The following IFNAR2 variants were observed in gnomAD, a reference collection of about 807,000 sequenced individuals.
IFNAR2 encodes the protein interferon alpha/beta receptor 2.
IFNAR2 carries 30 observed loss-of-function variants against 49.4 expected under a neutral mutation model. The observed-to-expected ratio is 0.61, with a 90% CI of 0.45 to 0.82. IFNAR2 has a LOEUF of 0.82. IFNAR2 is among the 40% of genes least tolerant of loss of function. The pLI is 0.00. For missense variants in IFNAR2, 600 were observed against 622.7 expected, an observed-to-expected ratio of 0.96 and a Z score of 0.39; for synonymous variants, 224 against 234.5, an observed-to-expected ratio of 0.96 and a Z score of 0.41.
chr21:33,240,412 T>C (rs558549505), intron 1 of IFNAR2, among the ~76,000 whole-genome samples: 2 of 152,338 alleles, frequency 1.3e-5, no homozygotes, highest in South Asian at 4.1e-4. Flanking sequence ...TTTGTCTAAG[T>C]ATACTCTGAT....
chr21:33,242,762 T>C (rs1358995035), intron 2 of IFNAR2, among the ~76,000 whole-genome samples: 4 of 1,102 alleles, frequency 3.6e-3, no homozygotes, highest in African/African-American at 0.03. Flanking sequence ...CGTGTGCGTG[T>C]GTGTGTGTGT....
rs139545182 is a variant in IFNAR2 at position 33,263,104 on chromosome 21, C to T, written c.1152C>T (p.Ser384=). The T allele has an allele frequency of 6.3e-4, 1,021 of 1,614,162 alleles. 9 individuals carry two copies. In the African/African-American group the frequency reaches 0.011, roughly 18 times the overall value. ...DVELPTMPKD[S]PQQLELLSGP... is the part of the protein sequence containing the mutation. ...AGCTCCCCACGATGCCAAAGGACAG[C>T]CCTCAGCAGTTGGAACTCTTGAGTG... Residue 384 remains serine (S), a synonymous_variant, in exon 9 of 9, where the codon AGC becomes AGT. Coordinates refer to ENST00000342136, the MANE Select transcript of IFNAR2 (RefSeq NM_001289125.3).
At position 33,265,589 on chromosome 21, in the gene IFNAR2, TTGTG is replaced by T. The variant is rs1008444394; in HGVS notation, c.*2091_*2094del. On this transcript the variant is annotated 3_prime_UTR_variant, in exon 9 of 9. Transcript: ENST00000342136. ...TATGGCTGTGAGTGTGTGTGTGTGT[TTGTG>T]TATTTTTTAACATTTTGTATAATGA... The T allele has an allele frequency of 5.1e-6, 1 of 197,190 alleles. No homozygotes were observed. The highest frequency in any genetic ancestry group is 2.4e-5 in the African/African-American group (1 of 41,784). The allele number at this position is 197,190 out of a possible 1,614,324, so 12.2% of individuals were successfully genotyped here.
chr21:33,260,711 G>C lies in IFNAR2; in HGVS notation c.824G>C (p.Ser275Thr), dbSNP rs1262923238. The part of the protein sequence containing the change: ...KWIGYICLRN[S>T]LPKVLNFHNF... ...ATTGGTTATATATGCTTAAGAAATA[G>C]CCTCCCCAAAGTCTTGGTAGGTAGT... The change falls in exon 8 of 9, where the codon AGC (serine) becomes ACC (threonine). Residue 275 changes from serine to threonine, a missense_variant. Physicochemically the swap from Ser to Thr is moderately conservative, Grantham distance 58. Transcript: ENST00000342136. The C allele has an allele frequency of 1.3e-6, 2 of 1,533,410 alleles. No individual in the cohort carries two copies. The highest frequency in any genetic ancestry group is 2.5e-5 in the East Asian group (1 of 40,548). The allele number at this position is 1,533,410 out of a possible 1,614,324, so 95.0% of individuals were successfully genotyped here.
intron 4 of IFNAR2, among the ~76,000 whole-genome samples, chr21:33,245,345 A>G (rs759465723): frequency 4.6e-5 from 7 of 152,240 alleles, no homozygotes; most frequent in Admixed American, 3.9e-4. Context: ...TCAGAACCTC[A>G]CATACAAAAT....
In IFNAR2 at chr21:33,230,194, G is replaced by T; in HGVS notation, c.-106G>T. 1.9e-6 allele frequency: 2 copies of T among 1,030,240 alleles called. No homozygotes were observed. Among genetic ancestry groups the T allele is most frequent in the Non-Finnish European group, 2.3e-6 (2 of 854,708 alleles). 63.8% of individuals were successfully genotyped at this position (1,030,240 alleles called of 1,614,324 possible). ...GGCCCGAGGCTAGCATCTCTCGGGA[G>T]CCGCAAGGCGAGAGCTGCAAAGGTA... On this transcript the variant is annotated 5_prime_UTR_variant, in exon 1 of 9. Transcript: ENST00000342136. The surrounding 1 kb of genome is among the most constrained non-coding windows in gnomAD (Gnocchi z 5.5).
chr21:33,262,551 A>G (rs1378893884), intron 8 of IFNAR2: 2 of 696,646 alleles, frequency 2.9e-6, no homozygotes, highest in Non-Finnish European at 5.2e-6. Context: ...TTTATTTTTT[A>G]TTTTTTTAGA....
chr21:33,250,777 G>A (rs1047036005), intron 6 of IFNAR2, among the ~76,000 whole-genome samples: 3 of 152,112 alleles, frequency 2.0e-5, no homozygotes, highest in South Asian at 2.1e-4. Context: ...GACCTCAGGC[G>A]ATCCACCCAC....
At position 33,252,669 on chromosome 21, in the gene IFNAR2, C is replaced by A; in HGVS notation, c.548C>A (p.Pro183His). The change falls in exon 7 of 9, where the codon CCC (proline) becomes CAC (histidine). Residue 183 changes from proline to histidine, a missense_variant. Coordinates refer to ENST00000342136, the MANE Select transcript of IFNAR2 (RefSeq NM_001289125.3). ...QSEGIVKKHK[P>H]EIKGNMSGNF... ...TTTTGCTTATGTTTACAGCATAAAC[C>A]CGAAATAAAAGGAAACATGAGTGGA... 1 of 1,612,852 alleles carries A rather than the reference C, an allele frequency of 6.2e-7. No individual in the cohort carries two copies. Among genetic ancestry groups the A allele is most frequent in the Non-Finnish European group, 8.5e-7 (1 of 1,179,610 alleles).
At chr21:33,244,449 TC>T (rs1295914233) in intron 3 of IFNAR2, among the ~76,000 whole-genome samples, 1 of 152,152 alleles carries the variant, frequency 6.6e-6, no homozygotes, top group African/African-American at 2.4e-5. Flanking sequence ...CATGTTATAC[TC>T]CCCTGCTCTC....
At chr21:33,253,853 G>A (rs543289480) in intron 7 of IFNAR2, among the ~76,000 whole-genome samples, 3 of 152,246 alleles carry the variant, frequency 2.0e-5, no homozygotes, top group Admixed American at 6.5e-5. Context: ...GTTTTGGTGG[G>A]TTTTGGCCGG....
At chr21:33,257,462 C>A (rs1988283035) in intron 7 of IFNAR2, among the ~76,000 whole-genome samples, 1 of 152,200 alleles carries the variant, frequency 6.6e-6, no homozygotes, top group Admixed American at 6.5e-5. Flanking sequence ...ATTGTCCCTT[C>A]CCGTGTTCGT....
intron 4 of IFNAR2, among the ~76,000 whole-genome samples, chr21:33,246,389 A>C (rs940041094): frequency 4.6e-5 from 7 of 152,168 alleles, no homozygotes; most frequent in Non-Finnish European, 8.8e-5. Context: ...AGTTTTACTG[A>C]GCACCTACTA....
chr21:33,242,754 T>C (rs1189112848), intron 2 of IFNAR2, among the ~76,000 whole-genome samples: 2 of 6,210 alleles, frequency 3.2e-4, no homozygotes, highest in African/African-American at 4.5e-3. Context: ...AAAAATCTCG[T>C]GTGCGTGTGT....
intron 4 of IFNAR2, among the ~76,000 whole-genome samples, chr21:33,245,494 G>A (rs921468392): frequency 1.3e-5 from 2 of 152,230 alleles, no homozygotes; most frequent in African/African-American, 4.8e-5. Flanking sequence ...TTACTCTGGT[G>A]GGACACCAGA....
At chr21:33,262,621 C>A (rs1238242074) in intron 8 of IFNAR2, 172 bp from the exon 9 acceptor site, 3 of 909,144 alleles carry the variant, frequency 3.3e-6, no homozygotes, top group Non-Finnish European at 3.6e-6. Flanking sequence ...TCATAATGCA[C>A]TACAGTCTGA....
At chr21:33,252,533 A>T in intron 6 of IFNAR2, 129 bp from the exon 7 acceptor site, 3 of 1,449,756 alleles carry the variant, frequency 2.1e-6, no homozygotes, top group Admixed American at 2.9e-5. Flanking sequence ...TGACTTATAA[A>T]TCCTTTTTCT....
rs780623117 is a variant in IFNAR2 at position 33,241,958 on chromosome 21, A to T, written c.36A>T (p.Ser12=). The change falls in exon 2 of 9, where the codon TCA becomes TCT. Residue 12 remains serine, a synonymous_variant. Transcript: ENST00000342136. ...LLSQNAFIFR[S]LNLVLMVYIS... ...GCCAGAATGCCTTCATCTTCAGATCACTTAATTTGGTTCTCATGGGTAAGT... is the reference window on the plus strand; with the variant it reads ...GCCAGAATGCCTTCATCTTCAGATCTCTTAATTTGGTTCTCATGGGTAAGT... 17 of 1,612,772 alleles carry T rather than the reference A, an allele frequency of 1.1e-5. No homozygotes were observed. Among genetic ancestry groups the T allele is most frequent in the Middle Eastern group, 1.6e-4 (1 of 6,080 alleles).
intron 1 of IFNAR2, among the ~76,000 whole-genome samples, chr21:33,237,304 G>A (rs997722343): frequency 1.6e-4 from 24 of 152,016 alleles, no homozygotes; most frequent in Admixed American, 2.6e-4. Flanking sequence ...GGCTGAGGCC[G>A]GAGGATCACT....
Sources: gnomAD v4.1 joint callset for allele counts (sites outside exome capture counted in the v4.1 genomes callset) on GRCh38, gnomAD v4.1.1 for gene constraint, Gnocchi (gnomAD v3.1) non-coding constraint, MANE v1.5 for transcripts, NCBI Gene and HGNC (gene_info 2026-07-23, HGNC 2026-07-21) for gene names.